Variants in PCDHGA6 observed in about 807,000 individuals in gnomAD.
PCDHGA6 encodes the protein protocadherin gamma subfamily A, 6, also known as protocadherin gamma-A6.
PCDHGA6 carries 41 observed loss-of-function variants against 60.6 expected under a neutral mutation model. The ratio of observed to expected loss-of-function variants is 0.68; its 90% CI spans 0.53 to 0.88. The LOEUF (loss-of-function observed/expected upper bound fraction) is 0.88, where lower values mean the gene tolerates loss of function less well. PCDHGA6 is among the 40% of genes least tolerant of loss of function. The pLI is 0.00. For synonymous variants in PCDHGA6, 594 were observed against 524.4 expected, an observed-to-expected ratio of 1.13 and a Z score of -1.81; for missense variants, 1,312 against 1,203.0, an observed-to-expected ratio of 1.09 and a Z score of -1.34.
At chr5:141,390,390 A>G (rs2092135147) in intron 1 of PCDHGA6, 4 of 1,406,748 alleles carry the variant, frequency 2.8e-6, no homozygotes, top group Middle Eastern at 3.7e-4. Flanking sequence ...GATGTCATGG[A>G]TCATTTTAGG....
chr5:141,393,794 T>C, intron 1 of PCDHGA6: 1 of 1,613,934 alleles, frequency 6.2e-7, no homozygotes, highest in South Asian at 1.1e-5. Flanking sequence ...TGGGGGCACT[T>C]CTGGGGAGGA....
intron 1 of PCDHGA6, chr5:141,384,650 C>T (rs1213467381): frequency 6.2e-7 from 1 of 1,614,104 alleles, no homozygotes; most frequent in East Asian, 2.2e-5. Context: ...TCCGCAGAGC[C>T]CGGCTACCTG....
At chr5:141,418,307 A>C (rs372854408) in intron 1 of PCDHGA6, 24 of 1,613,982 alleles carry the variant, frequency 1.5e-5, no homozygotes, top group Non-Finnish European at 2.0e-5. Context: ...CAGCCTGGGG[A>C]TGGGAACAAT....
chr5:141,409,659 A>C, intron 1 of PCDHGA6: 1 of 1,613,574 alleles, frequency 6.2e-7, no homozygotes, highest in Non-Finnish European at 8.5e-7. Flanking sequence ...CTCAATGGCC[A>C]CATCTCCTAC....
chr5:141,447,681 C>T (rs2098548531), intron 1 of PCDHGA6, among the ~76,000 whole-genome samples: 1 of 152,066 alleles, frequency 6.6e-6, no homozygotes, highest in African/African-American at 2.4e-5. Flanking sequence ...TGTTCCATAT[C>T]TTGATAGAGG....
In PCDHGA6 at chr5:141,512,249, T is replaced by A. The variant is rs1159090773; in HGVS notation, c.*1076T>A. 6.6e-6 allele frequency: 1 copy of A among 152,598 alleles called. No individual in the cohort carries two copies. The allele number at this position is 152,598 out of a possible 1,614,324, so 9.5% of individuals were successfully genotyped here. On this transcript the variant is annotated 3_prime_UTR_variant, in exon 4 of 4. Coordinates refer to ENST00000517434, the MANE Select transcript of PCDHGA6 (RefSeq NM_018919.3). Reference sequence around the variant, plus strand: ...CCTTGAGAGGTCAGAGGGGCCTCTGTGGGTGCTGGGTACTCCAGAGGTGCC... The same window carrying A: ...CCTTGAGAGGTCAGAGGGGCCTCTGAGGGTGCTGGGTACTCCAGAGGTGCC...
rs1554116817 is a variant in PCDHGA6 at position 141,423,755 on chromosome 5, G to GGC, written c.2424+47249_2424+47250insCG. 3 of 512,420 alleles carry GGC rather than the reference G, an allele frequency of 5.9e-6. No individual in the cohort carries two copies. The African/African-American group carries it at 8.1e-5, about 14-fold the overall frequency. 31.7% of individuals were successfully genotyped at this position (512,420 alleles called of 1,614,324 possible). A position where few individuals can be genotyped will look rare whatever the true frequency, so the allele number is the denominator to read the frequency against. On this transcript the variant is annotated intron_variant, in intron 1 of 3. Coordinates refer to ENST00000517434, the MANE Select transcript of PCDHGA6 (RefSeq NM_018919.3). ...AGCCTGTTATGAAAACTGTTTGGGGGGGGGGTGGGGCGGCATATATTTAGT... is the reference window on the plus strand; with the variant it reads ...AGCCTGTTATGAAAACTGTTTGGGGGGCGGGGGTGGGGCGGCATATATTTAGT...
At chr5:141,492,240 C>T (rs1031016944) in intron 1 of PCDHGA6, among the ~76,000 whole-genome samples, 1 of 152,242 alleles carries the variant, frequency 6.6e-6, no homozygotes, top group African/African-American at 2.4e-5. Flanking sequence ...CTGCTGGCCA[C>T]CCCCACGGCC....
At chr5:141,418,305 G>T in intron 1 of PCDHGA6, 1 of 1,614,026 alleles carries the variant, frequency 6.2e-7, no homozygotes, top group South Asian at 1.1e-5. Context: ...GTCAGCCTGG[G>T]GATGGGAACA....
rs61612330 is a variant in PCDHGA6, at chr5:141,454,796, A to ATTTTTTTTTTTTTTTTT, written c.2425-39998_2425-39982dup. Among the ~76,000 whole-genome samples the ATTTTTTTTTTTTTTTTT allele has an allele frequency of 1.9e-3, 147 of 77,454 alleles. 11 individuals carry two copies. Among genetic ancestry groups the ATTTTTTTTTTTTTTTTT allele is most frequent in the Middle Eastern group, 0.017 (2 of 120 alleles). 50.8% of individuals were successfully genotyped at this position (77,454 alleles called of 152,430 possible). ...AAGGAAATAATCCTCCATGGTTCTA[A>ATTTTTTTTTTTTTTTTT]TTTTTTTTTTTTTTTTTTTTTTTTT... On this transcript the variant is annotated intron_variant, in intron 1 of 3. Coordinates refer to ENST00000517434, the MANE Select transcript of PCDHGA6 (RefSeq NM_018919.3).
rs757797019 is a variant in PCDHGA6 at position 141,487,064 on chromosome 5, G to A, written c.2425-7743G>A. On this transcript the variant is annotated intron_variant, in intron 1 of 3. Transcript: ENST00000517434. The surrounding 1 kb of genome is among the most constrained non-coding windows in gnomAD (Gnocchi z 5.0). The stretch of plus-strand genomic sequence containing the variant: ...TCGATATGCTGGGGAGGTGCGGACG[G>A]CTGTTCCTATCCCAGCTGACCTCCC... 6.2e-6 allele frequency: 10 copies of A among 1,614,006 alleles called. No individual in the cohort carries two copies.
chr5:141,389,538 G>A (rs772693461), intron 1 of PCDHGA6: 1 of 1,613,186 alleles, frequency 6.2e-7, no homozygotes, highest in Admixed American at 1.7e-5. Context: ...GTTAGTGGAC[G>A]ACCGCAACGA....
In PCDHGA6 at chr5:141,413,371, CGCGGAGT is replaced by C. The variant is rs765391000; in HGVS notation, c.2424+36865_2424+36871del. The C allele has an allele frequency of 3.7e-6, 6 of 1,613,848 alleles. No homozygotes were observed. In the African/African-American group the frequency reaches 8.0e-5, roughly 22 times the overall value. On this transcript the variant is annotated intron_variant, in intron 1 of 3. Coordinates refer to ENST00000517434, the MANE Select transcript of PCDHGA6 (RefSeq NM_018919.3). ...TCTGGCGCCCCGGGAGCTGGCGGAG[CGCGGAGT>C]CCGCATAGTCTCCAGAGGTAGGACG...
At chr5:141,383,860 G>T (rs772168555) in intron 1 of PCDHGA6, 11 of 1,613,926 alleles carry the variant, frequency 6.8e-6, no homozygotes, top group Non-Finnish European at 9.3e-6. Flanking sequence ...GGAGGTTCAG[G>T]CTCAAGATGG....
At chr5:141,430,642 A>C in intron 1 of PCDHGA6, 2 of 918,498 alleles carry the variant, frequency 2.2e-6, no homozygotes, top group South Asian at 5.1e-5. Flanking sequence ...CCCTGGGAGT[A>C]TGTGGAAACA....
At chr5:141,396,502 C>T (rs982229069) in intron 1 of PCDHGA6, 2 of 152,106 alleles carry the variant, frequency 1.3e-5, no homozygotes, top group African/African-American at 4.8e-5. Flanking sequence ...CGCCTGTGGT[C>T]CCAGCTACTC....
At chr5:141,413,561 A>G in intron 1 of PCDHGA6, 1 of 1,613,924 alleles carries the variant, frequency 6.2e-7, no homozygotes. Flanking sequence ...GAAGTAACTG[A>G]TATCAATGAC....
At chr5:141,421,967 T>C (rs760789458) in intron 1 of PCDHGA6, 2 of 1,611,174 alleles carry the variant, frequency 1.2e-6, no homozygotes, top group Admixed American at 3.4e-5. Flanking sequence ...ACACAGTCCG[T>C]ATATCGCGTG....
At chr5:141,427,659 G>A (rs546743297) in intron 1 of PCDHGA6, 3 of 742,336 alleles carry the variant, frequency 4.0e-6, no homozygotes, top group East Asian at 5.3e-5. Context: ...CGTGGTCCAC[G>A]TGGCCGAAAA....
Sources: gnomAD v4.1 joint callset for allele counts (sites outside exome capture counted in the v4.1 genomes callset) on GRCh38, gnomAD v4.1.1 for gene constraint, Gnocchi (gnomAD v3.1) non-coding constraint, MANE v1.5 for transcripts, NCBI Gene and HGNC (gene_info 2026-07-23, HGNC 2026-07-21) for gene names.